The following ADGRB3 variants were observed in gnomAD, a reference collection of about 807,000 sequenced individuals.
The protein encoded by ADGRB3 is brain-specific angiogenesis inhibitor 3.
ADGRB3 carries 37 observed loss-of-function variants against 193.4 expected under a neutral mutation model. The observed-to-expected ratio is 0.19, with a 90% CI of 0.15 to 0.25. The LOEUF is 0.25. Among genes scored for constraint, ADGRB3 ranks in the 10% least tolerant of loss-of-function variants. The pLI, the probability that ADGRB3 is intolerant of heterozygous loss-of-function variation, is 1.00. For synonymous variants in ADGRB3, 690 were observed against 644.2 expected, an observed-to-expected ratio of 1.07 and a Z score of -1.08; for missense variants, 1,637 against 1,852.9, an observed-to-expected ratio of 0.88 and a Z score of 2.14.
At chr6:68,980,016 A>G (rs1195123849) in intron 10 of ADGRB3, among the ~76,000 whole-genome samples, 1 of 151,432 alleles carries the variant, frequency 6.6e-6, no homozygotes, top group African/African-American at 2.4e-5. Context: ...TCCTAAATTT[A>G]TTGGACAGGT....
intron 17 of ADGRB3, among the ~76,000 whole-genome samples, chr6:69,128,600 G>A (rs1773918026): frequency 6.6e-6 from 1 of 151,994 alleles, no homozygotes; most frequent in Non-Finnish European, 1.5e-5. Context: ...AAGAATCATC[G>A]ATCCAGGCTC....
chr6:68,700,041 A>T (rs1303093468), intron 3 of ADGRB3, among the ~76,000 whole-genome samples: 1 of 152,158 alleles, frequency 6.6e-6, no homozygotes, highest in Admixed American at 6.6e-5. Context: ...GCACACACAC[A>T]AACTCCTCCA....
At chr6:68,983,951 T>G (rs1234954599) in intron 10 of ADGRB3, among the ~76,000 whole-genome samples, 3 of 152,286 alleles carry the variant, frequency 2.0e-5, no homozygotes, top group Middle Eastern at 3.4e-3. Context: ...AGAGAATGAC[T>G]ATGTCAGGAA....
chr6:69,336,773 T>C (rs1298006552), intron 24 of ADGRB3, among the ~76,000 whole-genome samples: 1 of 152,062 alleles, frequency 6.6e-6, no homozygotes. Flanking sequence ...AGAAACAAGA[T>C]CTCATTTTTC....
intron 13 of ADGRB3, among the ~76,000 whole-genome samples, chr6:69,038,787 C>T (rs1770947890): frequency 6.6e-6 from 1 of 152,154 alleles, no homozygotes; most frequent in African/African-American, 2.4e-5. Context: ...AATGATATTT[C>T]TCTTTAAAGA....
intron 3 of ADGRB3, among the ~76,000 whole-genome samples, chr6:68,669,089 G>A (rs1768874679): frequency 1.3e-5 from 2 of 151,842 alleles, no homozygotes; most frequent in Admixed American, 1.3e-4. Context: ...AAATGTGTGA[G>A]CGCATGGTAG....
chr6:69,243,560 T>G (rs1766428323), intron 20 of ADGRB3, among the ~76,000 whole-genome samples: 1 of 151,962 alleles, frequency 6.6e-6, no homozygotes, highest in Admixed American at 6.6e-5. Flanking sequence ...CATTTAAGAG[T>G]AAGAAGTGTT....
intron 30 of ADGRB3, among the ~76,000 whole-genome samples, chr6:69,376,602 G>A (rs1007484662): frequency 6.6e-6 from 1 of 151,966 alleles, no homozygotes; most frequent in African/African-American, 2.4e-5. Context: ...ATAGAAGTAA[G>A]AGATCATTTT....
At chr6:68,793,061 C>T (rs1371113927) in intron 3 of ADGRB3, among the ~76,000 whole-genome samples, 1 of 151,790 alleles carries the variant, frequency 6.6e-6, no homozygotes, top group Non-Finnish European at 1.5e-5. Flanking sequence ...TTCTTTATGT[C>T]AGGGAATTAA....
At chr6:69,172,402 G>C (rs1187262898) in intron 17 of ADGRB3, among the ~76,000 whole-genome samples, 1 of 151,906 alleles carries the variant, frequency 6.6e-6, no homozygotes, top group Non-Finnish European at 1.5e-5. Context: ...CCAGCACTTT[G>C]GGAGGCCGAG....
chr6:69,355,046 C>G (rs1161420412), intron 27 of ADGRB3, among the ~76,000 whole-genome samples: 2 of 152,058 alleles, frequency 1.3e-5, no homozygotes, highest in African/African-American at 4.8e-5. Context: ...CTAGATGATA[C>G]ATTAGTAACT....
intron 10 of ADGRB3, among the ~76,000 whole-genome samples, chr6:68,987,069 G>A (rs1769098842): frequency 6.6e-6 from 1 of 152,092 alleles, no homozygotes; most frequent in Non-Finnish European, 1.5e-5. Flanking sequence ...CTCAATAGTA[G>A]TAAATATGAA....
At chr6:68,789,190 T>C (rs1767045253) in intron 3 of ADGRB3, among the ~76,000 whole-genome samples, 2 of 152,086 alleles carry the variant, frequency 1.3e-5, no homozygotes, top group Admixed American at 1.3e-4. Flanking sequence ...AATTTGATCC[T>C]GTCATTATGA....
chr6:69,188,924 A>G (rs1385757253), intron 17 of ADGRB3, among the ~76,000 whole-genome samples: 1 of 152,194 alleles, frequency 6.6e-6, no homozygotes, highest in East Asian at 1.9e-4. Flanking sequence ...TATCTGCAGT[A>G]AAATAAAGTA....
At chr6:69,332,618 G>T in intron 23 of ADGRB3, 1 of 985,462 alleles carries the variant, frequency 1.0e-6, no homozygotes. Flanking sequence ...GACTCAGACA[G>T]AAGAATGCCA....
intron 3 of ADGRB3, among the ~76,000 whole-genome samples, chr6:68,760,100 G>T (rs1025183953): frequency 2.0e-5 from 3 of 152,122 alleles, no homozygotes; most frequent in Non-Finnish European, 4.4e-5. Context: ...GCAGATACAA[G>T]CAATTCAGTA....
intron 17 of ADGRB3, among the ~76,000 whole-genome samples, chr6:69,224,423 G>A (rs550657302): frequency 1.1e-4 from 16 of 152,146 alleles, no homozygotes; most frequent in African/African-American, 3.1e-4. Context: ...TATATTAGGC[G>A]AAAAATTGGT....
In ADGRB3 at chr6:69,388,744, A is replaced by G. The variant is rs1770129362; in HGVS notation, c.4422A>G (p.Lys1474=). The G allele has an allele frequency of 6.2e-7, 1 of 1,613,298 alleles. No homozygotes were observed. Among genetic ancestry groups the G allele is most frequent in the African/African-American group, 1.3e-5 (1 of 74,872 alleles). The change falls in exon 32 of 32, where the codon AAA becomes AAG. Residue 1474 remains lysine (K), a synonymous_variant. Coordinates refer to ENST00000370598, the MANE Select transcript of ADGRB3 (RefSeq NM_001704.3). ...ACAAGAATCCATGGGACACTTTCAA[A>G]AACCCCAGTGAATACCCGCATTACA... The part of the protein sequence containing the change: ...APNKNPWDTF[K]NPSEYPHYTT...
At chr6:69,370,964 A>G (rs992231090) in intron 29 of ADGRB3, among the ~76,000 whole-genome samples, 3 of 151,716 alleles carry the variant, frequency 2.0e-5, no homozygotes, top group African/African-American at 7.3e-5. Context: ...TGGCGGGGAG[A>G]TGGCAAAAGA....
Sources: allele counts gnomAD v4.1 joint callset (sites outside exome capture counted in the v4.1 genomes callset), GRCh38; gene constraint gnomAD v4.1.1; transcripts MANE v1.5; gene names NCBI Gene and HGNC (gene_info 2026-07-23, HGNC 2026-07-21).